GABBR2: variants seen among roughly 807,000 people sequenced by gnomAD.
GABBR2 encodes gamma-aminobutyric acid type B receptor subunit 2.
GABBR2 carries 23 observed loss-of-function variants against 105.6 expected under a neutral mutation model. The observed-to-expected ratio is 0.22, with a 90% CI of 0.16 to 0.31. GABBR2 has a LOEUF of 0.31. Ranked by LOEUF, GABBR2 falls within the 10% of genes least tolerant of loss-of-function variation. GABBR2 has a pLI of 1.00. For missense variants in GABBR2, 734 were observed against 1,245.5 expected (o/e 0.59, Z 6.18); for synonymous variants, 478 against 499.7 (o/e 0.96, Z 0.58).
chr9:98,433,410 G>C (rs958007051), intron 7 of GABBR2, among the ~76,000 whole-genome samples: 1 of 152,136 alleles, frequency 6.6e-6, no homozygotes, highest in Non-Finnish European at 1.5e-5. Context: ...TTACACTAAG[G>C]ATATACTAGA....
At chr9:98,350,147 C>G (rs1342535082) in intron 13 of GABBR2, among the ~76,000 whole-genome samples, 1 of 145,484 alleles carries the variant, frequency 6.9e-6, no homozygotes, top group Admixed American at 6.9e-5. Flanking sequence ...CTTGTTTAGT[C>G]TAGCTAGTGG....
intron 1 of GABBR2, among the ~76,000 whole-genome samples, chr9:98,580,301 C>T (rs1339339351): frequency 6.6e-6 from 1 of 152,190 alleles, no homozygotes; most frequent in Non-Finnish European, 1.5e-5. Context: ...CATTCCCTCC[C>T]TGACATGCCA....
At chr9:98,551,264 G>A (rs185917400) in intron 2 of GABBR2, among the ~76,000 whole-genome samples, 60 of 152,214 alleles carry the variant, frequency 3.9e-4, no homozygotes, top group Middle Eastern at 3.4e-3. Flanking sequence ...TTAGCCGGGC[G>A]TGGTGGTGGG....
At chr9:98,670,263 G>T (rs545326870) in intron 1 of GABBR2, among the ~76,000 whole-genome samples, 1 of 147,542 alleles carries the variant, frequency 6.8e-6, no homozygotes, top group African/African-American at 2.6e-5. Context: ...GAACATTTTC[G>T]TCACCTCAAA....
At chr9:98,540,457 T>C (rs1237791036) in intron 3 of GABBR2, among the ~76,000 whole-genome samples, 1 of 152,088 alleles carries the variant, frequency 6.6e-6, no homozygotes, top group Non-Finnish European at 1.5e-5. Context: ...ACACAGCCAA[T>C]GTATGAAGTG....
At chr9:98,474,808 T>C (rs561904342) in intron 5 of GABBR2, among the ~76,000 whole-genome samples, 2 of 152,268 alleles carry the variant, frequency 1.3e-5, no homozygotes, top group Non-Finnish European at 2.9e-5. Flanking sequence ...ACAACTCCTA[T>C]ATGTTAGAGA....
At chr9:98,578,965 GA>G (rs1296593625) in intron 1 of GABBR2, among the ~76,000 whole-genome samples, 2 of 152,178 alleles carry the variant, frequency 1.3e-5, no homozygotes, top group African/African-American at 4.8e-5. Context: ...GGGGAGCAGG[GA>G]AGGGGTCTTC....
intron 3 of GABBR2, among the ~76,000 whole-genome samples, chr9:98,535,402 G>A (rs530860039): frequency 5.9e-5 from 9 of 151,690 alleles, no homozygotes; most frequent in South Asian, 4.2e-4. Context: ...CACTCAGCCC[G>A]GATGGAGGAT....
intron 4 of GABBR2, among the ~76,000 whole-genome samples, chr9:98,486,017 GC>G (rs754948623): frequency 1.3e-5 from 2 of 152,180 alleles, no homozygotes; most frequent in African/African-American, 2.4e-5. Context: ...CCCCTGTGGG[GC>G]CAGGCTAAAC....
intron 1 of GABBR2, among the ~76,000 whole-genome samples, chr9:98,665,805 A>T (rs534340043): frequency 1.3e-5 from 2 of 152,358 alleles, no homozygotes; most frequent in East Asian, 3.9e-4. Flanking sequence ...AACAAAGACC[A>T]GAGCTGAGTT....
At chr9:98,397,831 G>C (rs763816550) in intron 8 of GABBR2, among the ~76,000 whole-genome samples, 3 of 152,174 alleles carry the variant, frequency 2.0e-5, no homozygotes, top group East Asian at 3.9e-4. Flanking sequence ...TCCTGTGTGT[G>C]TCCAGGGCTT....
At chr9:98,478,335 C>T (rs1826836693) in intron 5 of GABBR2, among the ~76,000 whole-genome samples, 1 of 152,028 alleles carries the variant, frequency 6.6e-6, no homozygotes, top group African/African-American at 2.4e-5. Context: ...CAGTCTTGAT[C>T]CAGCGTGAAA....
rs1826847959 is a variant in GABBR2 at position 98,478,719 on chromosome 9, G to A, written c.798+2213C>T. 2.0e-5 allele frequency among the ~76,000 whole-genome samples: 3 copies of A among 152,210 alleles called. No homozygotes were observed. In the South Asian group the frequency reaches 6.2e-4, roughly 32 times the overall value. ...CACTTGGAAACTCACCCCAGTGCGTGGCAGAGTGAGATCACAGTCACACCT... is the reference window on the plus strand; with the variant it reads ...CACTTGGAAACTCACCCCAGTGCGTAGCAGAGTGAGATCACAGTCACACCT... On this transcript the variant is annotated intron_variant, in intron 5 of 18. Coordinates refer to ENST00000259455, the MANE Select transcript of GABBR2 (RefSeq NM_005458.8).
chr9:98,416,600 C>T (rs990526428), intron 7 of GABBR2, among the ~76,000 whole-genome samples: 2 of 152,262 alleles, frequency 1.3e-5, no homozygotes, highest in Non-Finnish European at 2.9e-5. Flanking sequence ...GCGCTTTCAG[C>T]ACCAGCCCTG....
chr9:98,597,292 G>A (rs1299584916), intron 1 of GABBR2, among the ~76,000 whole-genome samples: 2 of 152,164 alleles, frequency 1.3e-5, no homozygotes, highest in African/African-American at 4.8e-5. Context: ...GGAACTTTGT[G>A]ATCACAAACA....
At chr9:98,421,548 T>C (rs1832782734) in intron 7 of GABBR2, among the ~76,000 whole-genome samples, 1 of 152,240 alleles carries the variant, frequency 6.6e-6, no homozygotes, top group South Asian at 2.1e-4. Flanking sequence ...ACCTAACTGC[T>C]TAGAAACTTG....
At position 98,436,347 on chromosome 9, in the gene GABBR2, CCATATATATATATAT is replaced by C. The variant is rs1825914606; in HGVS notation, c.1236+17619_1236+17633del. On this transcript the variant is annotated intron_variant, in intron 7 of 18. Coordinates refer to ENST00000259455, the MANE Select transcript of GABBR2 (RefSeq NM_005458.8). Reference sequence around the variant, plus strand: ...ATATATATATACACACACACACACACCATATATATATATATATATATATATATATATATATATATA... The same window carrying C: ...ATATATATATACACACACACACACACATATATATATATATATATATATATA... 6.3e-3 allele frequency among the ~76,000 whole-genome samples: 200 copies of C among 31,630 alleles called. 31 individuals carry two copies. Among genetic ancestry groups the C allele is most frequent in the Non-Finnish European group, 8.4e-3 (170 of 20,258 alleles). The allele number at this position is 31,630 out of a possible 152,430, so 20.8% of individuals were successfully genotyped here.
chr9:98,669,826 T>A, intron 1 of GABBR2, among the ~76,000 whole-genome samples: 1 of 152,074 alleles, frequency 6.6e-6, no homozygotes. Flanking sequence ...ATGGGGCATG[T>A]ACATGCAGGA....
chr9:98,376,496 C>G (rs1221353364), intron 11 of GABBR2, among the ~76,000 whole-genome samples: 1 of 152,142 alleles, frequency 6.6e-6, no homozygotes, highest in Non-Finnish European at 1.5e-5. Flanking sequence ...TCTGACTGCT[C>G]ATCCTAGGTG....
Sources: gnomAD v4.1 joint callset for allele counts (sites outside exome capture counted in the v4.1 genomes callset) on GRCh38, gnomAD v4.1.1 for gene constraint, MANE v1.5 for transcripts, NCBI Gene and HGNC (gene_info 2026-07-23, HGNC 2026-07-21) for gene names.